Variants in SNX29 observed in about 807,000 individuals in gnomAD.
SNX29 encodes sorting nexin 29, also known as sorting nexin-29.
A neutral mutation model predicts 102.1 loss-of-function variants in SNX29; 78 were observed. That is an observed-to-expected ratio of 0.76 (90% CI 0.64 to 0.92). The LOEUF is 0.92. Among genes scored for constraint, SNX29 ranks in the 40% least tolerant of loss-of-function variants. SNX29 has a pLI of 0.00. For synonymous variants in SNX29, 580 were observed against 414.5 expected, an observed-to-expected ratio of 1.40 and a Z score of -4.85; for missense variants, 1,280 against 1,061.7, an observed-to-expected ratio of 1.21 and a Z score of -2.86.
intron 20 of SNX29, among the ~76,000 whole-genome samples, chr16:12,565,027 G>A (rs543578470): frequency 6.6e-6 from 1 of 152,110 alleles, no homozygotes; most frequent in Non-Finnish European, 1.5e-5. Flanking sequence ...CCAGTCCTGG[G>A]ATGAGCCTGG....
chr16:12,181,694 G>A (rs1440651945), intron 13 of SNX29, among the ~76,000 whole-genome samples: 2 of 95,370 alleles, frequency 2.1e-5, no homozygotes, highest in African/African-American at 6.2e-5. Context: ...GATTTTGGGA[G>A]GTCTGTTGGT....
intron 14 of SNX29, among the ~76,000 whole-genome samples, chr16:12,270,206 T>C (rs1319644831): frequency 1.3e-5 from 2 of 152,176 alleles, no homozygotes; most frequent in Admixed American, 6.6e-5. Context: ...TCAGGAAAGA[T>C]GCGACTTAGA....
chr16:12,541,922 C>G (rs1468559694), intron 20 of SNX29, among the ~76,000 whole-genome samples: 2 of 152,308 alleles, frequency 1.3e-5, no homozygotes, highest in African/African-American at 4.8e-5. Context: ...ACTGATTGCC[C>G]ACGGTACATC....
intron 15 of SNX29, among the ~76,000 whole-genome samples, chr16:12,336,467 G>T (rs2081453893): frequency 6.6e-6 from 1 of 152,320 alleles, no homozygotes; most frequent in East Asian, 1.9e-4. Flanking sequence ...GGTTTGTGTT[G>T]CAGTCATGCC....
At position 12,096,454 on chromosome 16, in the gene SNX29, C is replaced by T. The variant is rs755073082; in HGVS notation, c.1402+17539C>T. On this transcript the variant is annotated intron_variant, in intron 11 of 20. Transcript: ENST00000566228. This position sits in a 1 kb window ranked among gnomAD's most constrained non-coding sequence, Gnocchi z 4.2. Reference sequence around the variant, plus strand: ...TTAAAATTTCCCCATCATTATAATGCAGATTTAAGAGTGCCAGCACCATGG... The same window carrying T: ...TTAAAATTTCCCCATCATTATAATGTAGATTTAAGAGTGCCAGCACCATGG... Among the ~76,000 whole-genome samples the T allele has an allele frequency of 2.6e-5, 4 of 152,328 alleles. No homozygotes were observed. Among genetic ancestry groups the T allele is most frequent in the Middle Eastern group, 6.8e-3 (2 of 294 alleles).
intron 2 of SNX29, 75 bp from the exon 3 acceptor site, chr16:12,002,916 C>T (rs545061293): frequency 1.3e-6 from 2 of 1,567,198 alleles, no homozygotes; most frequent in African/African-American, 1.4e-5. Context: ...CCCTTAAGCC[C>T]TGTGTAGGCT....
At chr16:12,536,114 A>G (rs2077071028) in intron 20 of SNX29, among the ~76,000 whole-genome samples, 1 of 152,170 alleles carries the variant, frequency 6.6e-6, no homozygotes, top group East Asian at 1.9e-4. Flanking sequence ...AGAAGGGTGA[A>G]CACAGCCCAG....
intron 20 of SNX29, among the ~76,000 whole-genome samples, chr16:12,549,951 T>C (rs569028944): frequency 6.6e-6 from 1 of 152,142 alleles, no homozygotes; most frequent in Non-Finnish European, 1.5e-5. Context: ...ATAAGTAAAG[T>C]TTTATTGGAA....
At chr16:12,154,870 G>A (rs1342512123) in intron 13 of SNX29, among the ~76,000 whole-genome samples, 1 of 152,130 alleles carries the variant, frequency 6.6e-6, no homozygotes, top group Non-Finnish European at 1.5e-5. Flanking sequence ...TTCATAAAGG[G>A]CTCCACCCTC....
intron 15 of SNX29, among the ~76,000 whole-genome samples, chr16:12,303,500 C>T (rs958871195): frequency 2.0e-5 from 3 of 152,036 alleles, no homozygotes; most frequent in African/African-American, 4.8e-5. Flanking sequence ...CAAACACATT[C>T]GTAAGAATAT....
At chr16:12,559,688 T>C (rs1447523620) in intron 20 of SNX29, among the ~76,000 whole-genome samples, 1 of 152,034 alleles carries the variant, frequency 6.6e-6, no homozygotes, top group Non-Finnish European at 1.5e-5. Context: ...GGCAGTAACT[T>C]CTCGAGCTTC....
chr16:12,430,384 A>G (rs1158606754), intron 18 of SNX29, among the ~76,000 whole-genome samples: 3 of 152,198 alleles, frequency 2.0e-5, no homozygotes, highest in Non-Finnish European at 4.4e-5. Flanking sequence ...GGGGACACTT[A>G]CATCAGTTGC....
intron 18 of SNX29, among the ~76,000 whole-genome samples, chr16:12,435,742 T>G (rs2085504443): frequency 6.6e-6 from 1 of 152,228 alleles, no homozygotes; most frequent in Non-Finnish European, 1.5e-5. Flanking sequence ...TGGAATGTTG[T>G]TACCCATGAT....
At chr16:12,565,362 C>G (rs552774404) in intron 20 of SNX29, among the ~76,000 whole-genome samples, 1 of 152,204 alleles carries the variant, frequency 6.6e-6, no homozygotes, top group Non-Finnish European at 1.5e-5. Context: ...CTCACTGAAG[C>G]CCCTGGTCTA....
chr16:12,091,711 A>G (rs557257520), intron 11 of SNX29, among the ~76,000 whole-genome samples: 1 of 140,764 alleles, frequency 7.1e-6, no homozygotes, highest in African/African-American at 2.7e-5. Flanking sequence ...CAGGAGTTTG[A>G]GGCTGCGGTG....
intron 14 of SNX29, among the ~76,000 whole-genome samples, chr16:12,212,158 C>T (rs772708454): frequency 1.3e-5 from 2 of 152,156 alleles, no homozygotes; most frequent in Non-Finnish European, 2.9e-5. Flanking sequence ...GGGGCAGCCT[C>T]TGTGTGACTG....
intron 20 of SNX29, among the ~76,000 whole-genome samples, chr16:12,545,756 G>A (rs1366234794): frequency 1.3e-5 from 2 of 152,086 alleles, no homozygotes; most frequent in African/African-American, 2.4e-5. Flanking sequence ...AACCTGAGAT[G>A]GAGAGGCAGC....
intron 13 of SNX29, among the ~76,000 whole-genome samples, chr16:12,131,686 G>A (rs2054473773): frequency 6.6e-6 from 1 of 152,138 alleles, no homozygotes; most frequent in Non-Finnish European, 1.5e-5. Context: ...TTTAAAATAA[G>A]ACCACGAGAT....
At chr16:12,284,273 G>T (rs1342737116) in intron 15 of SNX29, among the ~76,000 whole-genome samples, 1 of 152,240 alleles carries the variant, frequency 6.6e-6, no homozygotes, top group Non-Finnish European at 1.5e-5. Context: ...ATGTTCCTGG[G>T]CACGCCCCCT....
Sources: allele counts gnomAD v4.1 joint callset (sites outside exome capture counted in the v4.1 genomes callset), GRCh38; gene constraint gnomAD v4.1.1; non-coding constraint Gnocchi (gnomAD v3.1); transcripts MANE v1.5; gene names NCBI Gene and HGNC (gene_info 2026-07-23, HGNC 2026-07-21).